The following GALNT13 variants were observed in gnomAD, a reference collection of about 807,000 sequenced individuals.
GALNT13 encodes polypeptide N-acetylgalactosaminyltransferase 13.
A neutral mutation model predicts 64.2 loss-of-function variants in GALNT13; 28 were observed. The ratio of observed to expected loss-of-function variants is 0.44; its 90% CI spans 0.32 to 0.60. GALNT13 has a LOEUF of 0.60. Ranked by LOEUF, GALNT13 falls within the 20% of genes least tolerant of loss-of-function variation. GALNT13 has a pLI of 0.05. For synonymous variants in GALNT13, 214 were observed against 224.6 expected (o/e 0.95, Z 0.42); for missense variants, 577 against 669.8 (o/e 0.86, Z 1.53).
At chr2:154,093,130 G>A (rs1701900520) in intron 3 of GALNT13, among the ~76,000 whole-genome samples, 1 of 151,898 alleles carries the variant, frequency 6.6e-6, no homozygotes, top group Admixed American at 6.6e-5. Flanking sequence ...TCAATTGTAG[G>A]AGAAATAAAA....
chr2:154,316,821 T>G (rs1694344586), intron 9 of GALNT13, among the ~76,000 whole-genome samples: 1 of 152,200 alleles, frequency 6.6e-6, no homozygotes, highest in African/African-American at 2.4e-5. Flanking sequence ...ATTTGTGGAT[T>G]AATTTTCCAA....
At chr2:154,019,265 T>C (rs1024967732) in intron 3 of GALNT13, among the ~76,000 whole-genome samples, 1 of 152,146 alleles carries the variant, frequency 6.6e-6, no homozygotes, top group Non-Finnish European at 1.5e-5. Context: ...AATGGATTGT[T>C]TAGGTTTTTG....
At chr2:154,296,148 G>T (rs1236789517) in intron 8 of GALNT13, among the ~76,000 whole-genome samples, 1 of 152,102 alleles carries the variant, frequency 6.6e-6, no homozygotes, top group Non-Finnish European at 1.5e-5. Flanking sequence ...ATAGAGCCCA[G>T]AAATGACTGA....
At chr2:154,016,148 C>A (rs1350690592) in intron 3 of GALNT13, among the ~76,000 whole-genome samples, 1 of 152,158 alleles carries the variant, frequency 6.6e-6, no homozygotes, top group East Asian at 1.9e-4. Flanking sequence ...TGGAGCGAAG[C>A]ATTTAATACC....
chr2:154,342,352 A>G (rs1288214453), intron 9 of GALNT13, among the ~76,000 whole-genome samples: 1 of 152,090 alleles, frequency 6.6e-6, no homozygotes, highest in Non-Finnish European at 1.5e-5. Flanking sequence ...GTCAGCACAT[A>G]AGAAAGACAA....
Position 153,930,238 on chromosome 2 carries a change from G to A in GALNT13, c.-104-14156G>A, listed in dbSNP as rs111937890. On this transcript the variant is annotated intron_variant, in intron 2 of 12. Transcript: ENST00000392825. ...AGTTCCTTATAGATTCTGAATATTA[G>A]ACCTCTGATGGATGCATAGTTTGCA... is the stretch of plus-strand genomic sequence containing the variant. 3.7e-3 allele frequency among the ~76,000 whole-genome samples: 561 copies of A among 152,196 alleles called. 3 individuals carry two copies. Among genetic ancestry groups the A allele is most frequent in the African/African-American group, 0.013 (538 of 41,544 alleles).
At chr2:153,216,121 T>C in the GALNT13 span, among the ~76,000 whole-genome samples, 201 of 152,168 alleles carry the variant, frequency 1.3e-3, no homozygotes, top group African/African-American at 4.5e-3. Context: ...ACAAAGTCCA[T>C]TGAGATTCAC....
the GALNT13 span, among the ~76,000 whole-genome samples, chr2:153,575,372 C>T: frequency 6.6e-6 from 1 of 152,212 alleles, no homozygotes; most frequent in African/African-American, 2.4e-5. Flanking sequence ...CACGCCTTGA[C>T]TACTACCTAT....
At chr2:154,032,151 A>G (rs901885255) in intron 3 of GALNT13, among the ~76,000 whole-genome samples, 1 of 151,964 alleles carries the variant, frequency 6.6e-6, no homozygotes, top group African/African-American at 2.4e-5. Context: ...TTGGAAACAG[A>G]CTAATCAAGA....
chr2:154,205,081 A>G (rs1269039765), intron 4 of GALNT13, among the ~76,000 whole-genome samples: 1 of 152,186 alleles, frequency 6.6e-6, no homozygotes, highest in Non-Finnish European at 1.5e-5. Flanking sequence ...ATTCATAATC[A>G]TCGGGTGAAT....
chr2:154,016,214 G>A (rs1696994547), intron 3 of GALNT13, among the ~76,000 whole-genome samples: 1 of 152,080 alleles, frequency 6.6e-6, no homozygotes, highest in Admixed American at 6.5e-5. Context: ...CTCCATCTAA[G>A]CTTTTTAAAT....
the GALNT13 span, among the ~76,000 whole-genome samples, chr2:153,587,975 C>G: frequency 6.6e-6 from 1 of 152,218 alleles, no homozygotes; most frequent in South Asian, 2.1e-4. Flanking sequence ...AAAGGGGCTA[C>G]AGGCCCCATG....
chr2:153,992,161 A>G (rs1269245961), intron 3 of GALNT13, among the ~76,000 whole-genome samples: 3 of 152,182 alleles, frequency 2.0e-5, no homozygotes, highest in African/African-American at 2.4e-5. Context: ...TTCAATCCGT[A>G]AGTTCTTCAA....
chr2:154,394,508 TATTGA>T (rs1325993699), intron 9 of GALNT13, among the ~76,000 whole-genome samples: 11 of 152,282 alleles, frequency 7.2e-5, no homozygotes, highest in African/African-American at 2.6e-4. Flanking sequence ...TAAAATTGAC[TATTGA>T]ATTAAGTCCT....
At chr2:153,929,753 G>A (rs548501785) in intron 2 of GALNT13, among the ~76,000 whole-genome samples, 6 of 152,176 alleles carry the variant, frequency 3.9e-5, no homozygotes, top group Admixed American at 3.9e-4. Context: ...TACCAGTGAT[G>A]GGCATCTAGG....
At chr2:153,994,225 G>A (rs550617440) in intron 3 of GALNT13, among the ~76,000 whole-genome samples, 1 of 152,186 alleles carries the variant, frequency 6.6e-6, no homozygotes, top group South Asian at 2.1e-4. Flanking sequence ...CTTCATCTAA[G>A]TCCCTATGAA....
At chr2:153,663,326 A>G in the GALNT13 span, among the ~76,000 whole-genome samples, 3 of 152,244 alleles carry the variant, frequency 2.0e-5, no homozygotes, top group Admixed American at 6.5e-5. Context: ...CTCTAATGTC[A>G]TAAAACTAGA....
chr2:154,444,951 T>C (rs1701491328), intron 12 of GALNT13, among the ~76,000 whole-genome samples: 1 of 152,016 alleles, frequency 6.6e-6, no homozygotes, highest in African/African-American at 2.4e-5. Flanking sequence ...GAATATTTTA[T>C]TATATGACCT....
At chr2:153,380,732 A>G in the GALNT13 span, among the ~76,000 whole-genome samples, 1 of 152,140 alleles carries the variant, frequency 6.6e-6, no homozygotes. Context: ...ACTCCATTTT[A>G]TGGTTAATGG....
Sources: allele counts gnomAD v4.1 joint callset (sites outside exome capture counted in the v4.1 genomes callset), GRCh38; gene constraint gnomAD v4.1.1; transcripts MANE v1.5; gene names NCBI Gene and HGNC (gene_info 2026-07-23, HGNC 2026-07-21).